Variants in ZYG11B observed in about 807,000 individuals in gnomAD.
The protein encoded by ZYG11B is protein zyg-11 homolog B.
Under a neutral mutation model 82.4 loss-of-function variants are expected in ZYG11B, and 36 were observed. That is an observed-to-expected ratio of 0.44 (90% confidence interval 0.33 to 0.58). The LOEUF (loss-of-function observed/expected upper bound fraction) is 0.58, where lower values mean the gene tolerates loss of function less well. Among genes scored for constraint, ZYG11B ranks in the 20% least tolerant of loss-of-function variants. The pLI is 0.02. For synonymous variants in ZYG11B, 303 were observed against 312.8 expected (o/e 0.97, Z 0.33); for missense variants, 552 against 895.6 (o/e 0.62, Z 4.90).
chr1:52,803,095 TATAC>T (rs367848919), intron 10 of ZYG11B, among the ~76,000 whole-genome samples: 29,927 of 50,616 alleles, frequency 0.59, 8,030 homozygotes, highest in Non-Finnish European at 0.66. Flanking sequence ...CACATATATA[TATAC>T]ATATATATAT....
chr1:52,782,299 C>T (rs2149945763), intron 4 of ZYG11B, among the ~76,000 whole-genome samples: 1 of 152,106 alleles, frequency 6.6e-6, no homozygotes, highest in South Asian at 2.1e-4. Context: ...ACTGTGTTGC[C>T]CAGGCTGGTC....
At chr1:52,734,118 C>T (rs1330320725) in intron 1 of ZYG11B, among the ~76,000 whole-genome samples, 2 of 152,056 alleles carry the variant, frequency 1.3e-5, no homozygotes, top group African/African-American at 4.8e-5. Context: ...TTGCTTCATC[C>T]TCCTGAGTTG....
At chr1:52,781,258 G>A (rs1478529012) in intron 4 of ZYG11B, among the ~76,000 whole-genome samples, 1 of 151,912 alleles carries the variant, frequency 6.6e-6, no homozygotes, top group African/African-American at 2.4e-5. Flanking sequence ...CAGTACTTTG[G>A]GAAGCCAAGG....
intron 1 of ZYG11B, among the ~76,000 whole-genome samples, chr1:52,745,127 C>T (rs979862844): frequency 1.3e-5 from 2 of 152,174 alleles, no homozygotes; most frequent in African/African-American, 4.8e-5. Flanking sequence ...TCTGGCAATA[C>T]AGTAACAGAA....
At position 52,793,868 on chromosome 1, in the gene ZYG11B, T is replaced by TTCCTTCCTTCCTTCCTTCCTTCCTTCC. The variant is rs1644979935; in HGVS notation, c.1335-2423_1335-2422insCCTTCCTTCCTTCCTTCCTTCCTTCCT. Among the ~76,000 whole-genome samples, 282 of 95,482 alleles carry TTCCTTCCTTCCTTCCTTCCTTCCTTCC rather than the reference T, an allele frequency of 3.0e-3. 3 individuals carry two copies. The highest frequency in any genetic ancestry group is 0.011 in the African/African-American group (269 of 23,724). The allele number at this position is 95,482 out of a possible 152,430, so 62.6% of individuals were successfully genotyped here. ...TTTCTTTCTTTCTTCCTTTTCTTTCTTTCCTTCCTTCCTTCCTTCCTTCCT... is the reference window on the plus strand; with the variant it reads ...TTTCTTTCTTTCTTCCTTTTCTTTCTTCCTTCCTTCCTTCCTTCCTTCCTTCCTTCCTTCCTTCCTTCCTTCCTTCCT... On this transcript the variant is annotated intron_variant, in intron 6 of 13. Transcript: ENST00000294353.
rs764673234 is a variant in ZYG11B, at chr1:52,771,426, C to T, written c.603C>T (p.Ile201=). 1.2e-6 allele frequency: 2 copies of T among 1,613,926 alleles called. No homozygotes were observed. Among genetic ancestry groups the T allele is most frequent in the Non-Finnish European group, 1.7e-6 (2 of 1,180,046 alleles). Residue 201 remains isoleucine, a synonymous_variant, in exon 3 of 14, where the codon ATC becomes ATT. Coordinates refer to ENST00000294353, the MANE Select transcript of ZYG11B (RefSeq NM_024646.3). The surrounding 1 kb of genome is among the most constrained non-coding windows in gnomAD (Gnocchi z 5.4). The part of the protein sequence containing the change: ...LDISNTSITD[I]TALLACKDRL... Reference sequence around the variant, plus strand: ...TTTCTAACACCTCAATCACAGACATCACTGCTCTACTGGCCTGCAAAGACC... The same window carrying T: ...TTTCTAACACCTCAATCACAGACATTACTGCTCTACTGGCCTGCAAAGACC...
At chr1:52,806,790 G>A (rs1022307952) in intron 10 of ZYG11B, among the ~76,000 whole-genome samples, 2 of 151,436 alleles carry the variant, frequency 1.3e-5, no homozygotes, top group Non-Finnish European at 2.9e-5. Flanking sequence ...TTTATTTGGG[G>A]TATTTGGATC....
At chr1:52,802,764 A>G (rs1645087825) in intron 10 of ZYG11B, among the ~76,000 whole-genome samples, 1 of 152,044 alleles carries the variant, frequency 6.6e-6, no homozygotes, top group South Asian at 2.1e-4. Context: ...TTGGAAAATA[A>G]ATGTTATTAA....
chr1:52,779,869 A>G lies in ZYG11B; in HGVS notation c.968A>G (p.Asn323Ser), dbSNP rs576618114. 34 of 1,614,092 alleles carry G rather than the reference A, an allele frequency of 2.1e-5. No individual in the cohort carries two copies. Among genetic ancestry groups the G allele is most frequent in the Middle Eastern group, 3.3e-4 (2 of 6,062 alleles). The change falls in exon 4 of 14, where the codon AAT becomes AGT. Residue 323 changes from asparagine (N) to serine (S), a missense_variant. Coordinates refer to ENST00000294353, the MANE Select transcript of ZYG11B (RefSeq NM_024646.3). ...EGHLKVSGEA[N>S]ETQIAEALKR... is the part of the protein sequence containing the mutation. ...TGTTCACAGGTGTCTGGGGAAGCCA[A>G]TGAAACTCAGATTGCAGAAGCACTG...
chr1:52,760,606 T>C (rs1319331239), intron 2 of ZYG11B, among the ~76,000 whole-genome samples: 1 of 152,148 alleles, frequency 6.6e-6, no homozygotes, highest in East Asian at 1.9e-4. Context: ...TTTTTGTGTG[T>C]TAAAAAATTT....
chr1:52,767,102 ATGTTT>A (rs1644697961), intron 2 of ZYG11B, among the ~76,000 whole-genome samples: 1 of 142,158 alleles, frequency 7.0e-6, no homozygotes, highest in South Asian at 2.2e-4. Flanking sequence ...TTATTTTGTT[ATGTTT>A]TATGTTGTTA....
chr1:52,761,817 T>C (rs1356215607), intron 2 of ZYG11B, among the ~76,000 whole-genome samples: 1 of 152,224 alleles, frequency 6.6e-6, no homozygotes, highest in East Asian at 1.9e-4. Flanking sequence ...ATAAGAGTTC[T>C]CTTCTCTACA....
At chr1:52,736,214 G>C (rs1173660988) in intron 1 of ZYG11B, among the ~76,000 whole-genome samples, 2 of 152,110 alleles carry the variant, frequency 1.3e-5, no homozygotes, top group Non-Finnish European at 1.5e-5. Flanking sequence ...TCTGTATCCT[G>C]TGTACTTGGT....
At chr1:52,753,327 A>T (rs569066166) in intron 1 of ZYG11B, among the ~76,000 whole-genome samples, 2 of 151,520 alleles carry the variant, frequency 1.3e-5, no homozygotes, top group African/African-American at 4.8e-5. Context: ...CAACATTTTT[A>T]TTTCCACCAG....
intron 12 of ZYG11B, 102 bp from the exon 13 acceptor site, chr1:52,816,427 TATA>T (rs1417867910): frequency 1.3e-6 from 1 of 743,262 alleles, no homozygotes; most frequent in East Asian, 2.5e-5. Flanking sequence ...TTAGTCTAAA[TATA>T]ATAGGATAAA....
At chr1:52,788,779 T>TA (rs1448882725) in intron 5 of ZYG11B, among the ~76,000 whole-genome samples, 1 of 152,170 alleles carries the variant, frequency 6.6e-6, no homozygotes, top group Non-Finnish European at 1.5e-5. Context: ...AATGAGGTAA[T>TA]ATCTTTGCCC....
At chr1:52,791,744 A>T (rs1644962215) in intron 6 of ZYG11B, among the ~76,000 whole-genome samples, 1 of 152,326 alleles carries the variant, frequency 6.6e-6, no homozygotes, top group South Asian at 2.1e-4. Context: ...CTAAGGAAAG[A>T]GGTGTTCCAT....
chr1:52,750,011 G>C (rs998736142), intron 1 of ZYG11B, among the ~76,000 whole-genome samples: 1 of 152,230 alleles, frequency 6.6e-6, no homozygotes, highest in Non-Finnish European at 1.5e-5. Flanking sequence ...GAAATGTGGA[G>C]TTTGGATAAG....
chr1:52,766,961 T>A (rs545585143), intron 2 of ZYG11B, among the ~76,000 whole-genome samples: 181 of 151,234 alleles, frequency 1.2e-3, no homozygotes, highest in African/African-American at 4.2e-3. Context: ...TGAGCCCAGA[T>A]CGCGCCACTG....
Sources: gnomAD v4.1 joint callset for allele counts (sites outside exome capture counted in the v4.1 genomes callset) on GRCh38, gnomAD v4.1.1 for gene constraint, Gnocchi (gnomAD v3.1) non-coding constraint, MANE v1.5 for transcripts, NCBI Gene and HGNC (gene_info 2026-07-23, HGNC 2026-07-21) for gene names.